Variants in COL14A1 observed in about 807,000 individuals in gnomAD.
COL14A1 encodes the protein collagen type XIV alpha 1 chain.
Under a neutral mutation model 230.3 loss-of-function variants are expected in COL14A1, and 136 were observed. That is an observed-to-expected ratio of 0.59 (90% CI 0.51 to 0.68). The LOEUF is 0.68. COL14A1 is among the 30% of genes least tolerant of loss of function. The pLI, the probability that COL14A1 is intolerant of heterozygous loss-of-function variation, is 0.00. For synonymous variants in COL14A1, 792 were observed against 784.1 expected (o/e 1.01, Z -0.17); for missense variants, 1,976 against 2,215.8 (o/e 0.89, Z 2.17).
At chr8:120,141,539 T>C (rs1425290734) in intron 1 of COL14A1, among the ~76,000 whole-genome samples, 1 of 151,948 alleles carries the variant, frequency 6.6e-6, no homozygotes, top group Non-Finnish European at 1.5e-5. Context: ...AAGCAGACCC[T>C]GTCTCAAAAA....
intron 42 of COL14A1, among the ~76,000 whole-genome samples, chr8:120,337,401 TAAA>T (rs60418574): frequency 2.0e-3 from 264 of 129,430 alleles, no homozygotes; most frequent in Middle Eastern, 4.0e-3. Flanking sequence ...GTCTCAAAAT[TAAA>T]AAAAAAAAAA....
At chr8:120,147,609 A>T (rs896709828) in intron 1 of COL14A1, among the ~76,000 whole-genome samples, 197 bp from the exon 2 acceptor site, 1 of 152,214 alleles carries the variant, frequency 6.6e-6, no homozygotes, top group Admixed American at 6.5e-5. Flanking sequence ...ATTTCAAATC[A>T]TTCTGTCCAT....
chr8:120,169,662 T>C (rs1031690341), intron 5 of COL14A1, among the ~76,000 whole-genome samples: 6 of 152,126 alleles, frequency 3.9e-5, no homozygotes, highest in African/African-American at 1.2e-4. Flanking sequence ...TATTCATCTT[T>C]TTGATAATTT....
intron 40 of COL14A1, among the ~76,000 whole-genome samples, chr8:120,322,527 C>T (rs1321716927): frequency 6.6e-6 from 1 of 152,006 alleles, no homozygotes; most frequent in Admixed American, 6.6e-5. Flanking sequence ...ATTATTTTTC[C>T]TGATTTTCTC....
intron 36 of COL14A1, among the ~76,000 whole-genome samples, chr8:120,301,954 A>G (rs1039251872): frequency 2.0e-5 from 3 of 152,194 alleles, no homozygotes; most frequent in African/African-American, 4.8e-5. Context: ...TCTCATGATC[A>G]GTGATACTGA....
At chr8:120,244,466 T>C (rs199934585) in intron 20 of COL14A1, among the ~76,000 whole-genome samples, 1 of 152,174 alleles carries the variant, frequency 6.6e-6, no homozygotes, top group Non-Finnish European at 1.5e-5. Flanking sequence ...TGATTTGTGA[T>C]ATTTTGGTGC....
Position 120,250,685 on chromosome 8 carries a change from A to G in COL14A1, c.2671A>G (p.Ser891Gly). The change falls in exon 22 of 48, where the codon AGC becomes GGC. Residue 891 changes from serine (S) to glycine (G), a missense_variant. This residue lies in a region of COL14A1 where 1,791 missense variants were observed against 2,019.5 expected (regional missense o/e 0.89). Transcript: ENST00000297848. The stretch of plus-strand genomic sequence containing the variant: ...CACCATCCTTATCACAAACCTCCTC[A>G]GCGGAATGGACTACAATGTGAAGAT... ...INTILITNLL[S>G]GMDYNVKIFA... 6.2e-7 allele frequency: 1 copy of G among 1,614,262 alleles called. No individual in the cohort carries two copies. The highest frequency in any genetic ancestry group is 8.5e-7 in the Non-Finnish European group (1 of 1,180,048).
At chr8:120,176,571 G>A (rs1309907089) in intron 5 of COL14A1, among the ~76,000 whole-genome samples, 1 of 152,122 alleles carries the variant, frequency 6.6e-6, no homozygotes, top group African/African-American at 2.4e-5. Flanking sequence ...AGTTCAACAT[G>A]GTAAAAATGG....
intron 30 of COL14A1, 76 bp downstream of exon 30, chr8:120,280,825 G>A (rs1372695409): frequency 6.6e-7 from 1 of 1,525,598 alleles, no homozygotes; most frequent in Non-Finnish European, 8.8e-7. Flanking sequence ...TTCTGTTTTT[G>A]TTTTTAAATC....
chr8:120,246,870 T>G (rs1203384594), intron 20 of COL14A1, among the ~76,000 whole-genome samples: 1 of 152,108 alleles, frequency 6.6e-6, no homozygotes, highest in Non-Finnish European at 1.5e-5. Context: ...ATAGGAAATA[T>G]GAAGATGAAA....
intron 4 of COL14A1, 70 bp from the exon 5 acceptor site, chr8:120,168,091 G>A (rs959413199): frequency 2.7e-6 from 3 of 1,120,844 alleles, no homozygotes; most frequent in Non-Finnish European, 3.9e-6. Context: ...AAGGGTTTTA[G>A]TAAAACTCAC....
At chr8:120,175,676 C>T (rs574536577) in intron 5 of COL14A1, among the ~76,000 whole-genome samples, 1 of 152,242 alleles carries the variant, frequency 6.6e-6, no homozygotes, top group East Asian at 1.9e-4. Flanking sequence ...CCCACAATAT[C>T]AGAGTTGAGT....
intron 5 of COL14A1, among the ~76,000 whole-genome samples, chr8:120,189,534 G>C (rs1339951633): frequency 1.3e-5 from 2 of 151,298 alleles, no homozygotes; most frequent in Non-Finnish European, 2.9e-5. Flanking sequence ...TGCACAATGT[G>C]CAGGTTAGTT....
intron 5 of COL14A1, among the ~76,000 whole-genome samples, chr8:120,179,437 C>T (rs1041122490): frequency 3.3e-5 from 5 of 152,112 alleles, no homozygotes; most frequent in Non-Finnish European, 7.3e-5. Context: ...TTCCCATTCA[C>T]AATTGCTACA....
intron 20 of COL14A1, among the ~76,000 whole-genome samples, chr8:120,247,296 G>A (rs1418606519): frequency 6.6e-6 from 1 of 152,110 alleles, no homozygotes; most frequent in East Asian, 1.9e-4. Flanking sequence ...GGTGGTACGT[G>A]CCTGTAGTCC....
intron 23 of COL14A1, among the ~76,000 whole-genome samples, chr8:120,262,051 A>G (rs1251886274): frequency 6.6e-6 from 1 of 152,084 alleles, no homozygotes; most frequent in Non-Finnish European, 1.5e-5. Flanking sequence ...GTATCTTTAG[A>G]CCACTGCCTA....
At chr8:120,201,532 G>C (rs1197577724) in intron 8 of COL14A1, among the ~76,000 whole-genome samples, 8 of 152,140 alleles carry the variant, frequency 5.3e-5, no homozygotes. Context: ...ATTTAAATGG[G>C]CAATAAATGG....
At chr8:120,341,437 T>C in intron 43 of COL14A1, 77 bp downstream of exon 43, 1 of 1,432,898 alleles carries the variant, frequency 7.0e-7, no homozygotes, top group Non-Finnish European at 9.8e-7. Context: ...TAAAGGATCA[T>C]CATTTAATAC....
intron 34 of COL14A1, among the ~76,000 whole-genome samples, chr8:120,291,831 T>C (rs1361201945): frequency 6.6e-6 from 1 of 152,058 alleles, no homozygotes; most frequent in Admixed American, 6.6e-5. Context: ...ATTTTGTTTC[T>C]CTTTCATATA....
Sources: gnomAD v4.1 joint callset for allele counts (sites outside exome capture counted in the v4.1 genomes callset) on GRCh38, gnomAD v4.1.1 for gene constraint, gnomAD v4.1.1 regional missense constraint, MANE v1.5 for transcripts, NCBI Gene and HGNC (gene_info 2026-07-23, HGNC 2026-07-21) for gene names.